SSH1: variants seen among roughly 807,000 people sequenced by gnomAD.
SSH1 encodes the protein protein phosphatase Slingshot homolog 1.
SSH1 carries 43 observed loss-of-function variants against 79.7 expected under a neutral mutation model. The observed-to-expected ratio is 0.54, with a 90% CI of 0.42 to 0.70. SSH1 has a LOEUF of 0.70. SSH1 is among the 30% of genes least tolerant of loss of function. The pLI is 0.00. For synonymous variants in SSH1, 599 were observed against 538.3 expected (o/e 1.11, Z -1.56); for missense variants, 1,206 against 1,358.8 (o/e 0.89, Z 1.77).
rs537491050 is a variant in SSH1 at position 108,822,605 on chromosome 12, C to G, written c.214+653G>C. Among the ~76,000 whole-genome samples, 195 of 152,318 alleles carry G rather than the reference C, an allele frequency of 1.3e-3. 1 individual carries two copies. Among genetic ancestry groups the G allele is most frequent in the African/African-American group, 4.5e-3 (185 of 41,562 alleles). On this transcript the variant is annotated intron_variant, in intron 3 of 14. Transcript: ENST00000326495. ...GGGATTACAGGTGTGAGATACCATG[C>G]AGGGCCACGCAAGCATTTCTTGAAT...
chr12:108,808,821 C>CT (rs148110288), intron 7 of SSH1, among the ~76,000 whole-genome samples: 1,536 of 80,302 alleles, frequency 0.019, 128 homozygotes, highest in Middle Eastern at 0.05. Flanking sequence ...TCTTTTACTT[C>CT]TTTTTTTTTT....
chr12:108,803,410 T>C (rs904713608), intron 10 of SSH1, among the ~76,000 whole-genome samples: 2 of 150,532 alleles, frequency 1.3e-5, no homozygotes, highest in Admixed American at 1.3e-4. Flanking sequence ...TCTTAGGAAA[T>C]GCAAACAACA....
rs994875555 is a variant in SSH1, at chr12:108,814,692, G to A, written c.401+2346C>T. 5.3e-5 allele frequency among the ~76,000 whole-genome samples: 8 copies of A among 152,302 alleles called. No homozygotes were observed. The South Asian group carries it at 6.2e-4, about 12-fold the overall frequency. ...AGAGACCTGCCCTGGCCTTGGGGTC[G>A]GTGCCCACAGGTGGGCCGTGGCTCC... On this transcript the variant is annotated intron_variant, in intron 5 of 14. Coordinates refer to ENST00000326495, the MANE Select transcript of SSH1 (RefSeq NM_018984.4).
intron 2 of SSH1, chr12:108,834,140 T>G (rs548744623): frequency 6.6e-6 from 1 of 152,058 alleles, no homozygotes; most frequent in African/African-American, 2.4e-5. Context: ...AAACAGTATT[T>G]CAGAATAAAA....
intron 2 of SSH1, among the ~76,000 whole-genome samples, chr12:108,828,647 C>A (rs912782129): frequency 6.6e-6 from 1 of 152,188 alleles, no homozygotes; most frequent in African/African-American, 2.4e-5. Context: ...GTTCTTCCAT[C>A]TGCCCAAGTA....
intron 4 of SSH1, among the ~76,000 whole-genome samples, chr12:108,817,548 C>T (rs1448942443): frequency 6.6e-6 from 1 of 152,196 alleles, no homozygotes; most frequent in East Asian, 1.9e-4. Flanking sequence ...ACATGCCAGC[C>T]AGAGCGACAG....
chr12:108,805,086 C>T lies in SSH1; in HGVS notation c.924G>A (p.Lys308=), dbSNP rs2037209555. The T allele has an allele frequency of 6.2e-7, 1 of 1,614,066 alleles. No homozygotes were observed. Among genetic ancestry groups the T allele is most frequent in the Non-Finnish European group, 8.5e-7 (1 of 1,180,030 alleles). Residue 308 remains lysine, a synonymous_variant, in exon 10 of 15, where the codon AAG becomes AAA. Coordinates refer to ENST00000326495, the MANE Select transcript of SSH1 (RefSeq NM_018984.4). ...AAAGATGATCGAAGATAAGGGAGGG[C>T]TTGTCCATCTGTCCCAAGATAAGTA... The part of the protein sequence containing the change: ...EMLLILGQMD[K]PSLIFDHLYL...
chr12:108,852,972 T>A, intron 1 of SSH1: 1 of 985,418 alleles, frequency 1.0e-6, no homozygotes, highest in Non-Finnish European at 1.2e-6. Flanking sequence ...GCACGGTCTT[T>A]TAGCCCTCAG....
At chr12:108,836,012 A>ATTATATTAATATAAT in intron 2 of SSH1, among the ~76,000 whole-genome samples, 1 of 2,452 alleles carries the variant, frequency 4.1e-4, no homozygotes, top group South Asian at 0.019. Context: ...ATCGATTATA[A>ATTATATTAATATAAT]CTATATTAAT....
In SSH1 at chr12:108,788,477, G is replaced by T. The variant is rs777706675; in HGVS notation, c.2661C>A (p.Pro887=). The change falls in exon 15 of 15, where the codon CCC becomes CCA. Residue 887 remains proline, a synonymous_variant. Transcript: ENST00000326495. ...TCAGTGAGCCTCCTTCCAATGAAGC[G>T]GGGGCGGCCTCTGACTTCTCATCAC... ...AGSDEKSEAA[P]ASLEGGSLKS... 7 of 1,556,610 alleles carry T rather than the reference G, an allele frequency of 4.5e-6. No individual in the cohort carries two copies. Among genetic ancestry groups the T allele is most frequent in the African/African-American group, 4.1e-5 (3 of 72,844 alleles).
intron 14 of SSH1, 88 bp from the exon 15 acceptor site, chr12:108,789,332 GA>G (rs1266211549): frequency 5.0e-6 from 7 of 1,401,596 alleles, no homozygotes; most frequent in Non-Finnish European, 6.9e-6. Flanking sequence ...AAAGGGGTGC[GA>G]GGCCGGACTG....
In SSH1 at chr12:108,788,171, C is replaced by T. The variant is rs199551672; in HGVS notation, c.2967G>A (p.Thr989=). The change falls in exon 15 of 15, where the codon ACG becomes ACA. Residue 989 remains threonine (T), a synonymous_variant. Coordinates refer to ENST00000326495, the MANE Select transcript of SSH1 (RefSeq NM_018984.4). ...LAKLGSLTFS[T]EDLSSEADPS... is the part of the protein sequence containing the mutation. The stretch of plus-strand genomic sequence containing the variant: ...GGTCAGCCTCACTGGACAGGTCTTC[C>T]GTTGAGAAGGTGAGACTCCCCAGCT... The T allele has an allele frequency of 9.9e-6, 16 of 1,613,920 alleles. No homozygotes were observed. The highest frequency in any genetic ancestry group is 8.3e-5 in the Admixed American group (5 of 59,992).
intron 3 of SSH1, among the ~76,000 whole-genome samples, chr12:108,822,600 C>A (rs935240379): frequency 1.3e-5 from 2 of 152,180 alleles, no homozygotes; most frequent in African/African-American, 4.8e-5. Context: ...GTGTGAGATA[C>A]CATGCAGGGC....
At chr12:108,789,301 A>C (rs1348159273) in intron 14 of SSH1, 57 bp from the exon 15 acceptor site, 28 of 1,542,692 alleles carry the variant, frequency 1.8e-5, no homozygotes, top group Non-Finnish European at 2.5e-5. Flanking sequence ...CCAAAGACCA[A>C]AAACATGAGG....
intron 4 of SSH1, 62 bp downstream of exon 4, chr12:108,818,187 G>A: frequency 7.5e-7 from 1 of 1,340,184 alleles, no homozygotes; most frequent in Non-Finnish European, 1.1e-6. Flanking sequence ...AACAGAGCAA[G>A]ACCCTCATCT....
At chr12:108,838,249 C>A in intron 2 of SSH1, among the ~76,000 whole-genome samples, 1 of 152,278 alleles carries the variant, frequency 6.6e-6, no homozygotes, top group East Asian at 1.9e-4. Flanking sequence ...CATAGTTTTA[C>A]CCTCACCAAG....
chr12:108,818,156 C>A, intron 4 of SSH1, 93 bp downstream of exon 4: 6 of 1,032,528 alleles, frequency 5.8e-6, no homozygotes, highest in Non-Finnish European at 9.1e-6. Flanking sequence ...TAAGATCATG[C>A]CACTGCACTC....
In SSH1 at chr12:108,807,607, G is replaced by C. The variant is rs779260756; in HGVS notation, c.731+26C>G. The stretch of plus-strand genomic sequence containing the variant: ...GGCAGGTGCCTGTGGGCTTGGGTGC[G>C]CTCACACCAGAGGCACCTCACTTAC... On this transcript the variant is annotated intron_variant, in intron 8 of 14. Transcript: ENST00000326495. This position sits in a 1 kb window ranked among gnomAD's most constrained non-coding sequence, Gnocchi z 5.2. 6.2e-7 allele frequency: 1 copy of C among 1,609,188 alleles called. No individual in the cohort carries two copies. Among genetic ancestry groups the C allele is most frequent in the Non-Finnish European group, 8.5e-7 (1 of 1,177,004 alleles).
chr12:108,845,997 C>T (rs2038891226), intron 2 of SSH1, among the ~76,000 whole-genome samples: 1 of 152,172 alleles, frequency 6.6e-6, no homozygotes, highest in Non-Finnish European at 1.5e-5. Context: ...ACATGCCAAC[C>T]CCCATCCACT....
Sources: gnomAD v4.1 joint callset for allele counts (sites outside exome capture counted in the v4.1 genomes callset) on GRCh38, gnomAD v4.1.1 for gene constraint, Gnocchi (gnomAD v3.1) non-coding constraint, MANE v1.5 for transcripts, NCBI Gene and HGNC (gene_info 2026-07-23, HGNC 2026-07-21) for gene names.